The following STAC variants were observed in gnomAD, a reference collection of about 807,000 sequenced individuals.
STAC encodes SH3 and cysteine-rich domain-containing protein.
In STAC, 43 loss-of-function variants were observed where a neutral mutation model predicts 48.8. The observed-to-expected ratio is 0.88, with a 90% CI of 0.69 to 1.14. The LOEUF is 1.14. Ranked by LOEUF, STAC falls within the 50% of genes most tolerant of loss-of-function variation. The probability of loss-of-function intolerance (pLI) is 0.00; values close to 1 mark genes in which losing one functional copy is unlikely to be tolerated. For synonymous variants in STAC, 193 were observed against 179.5 expected, an observed-to-expected ratio of 1.07 and a Z score of -0.60; for missense variants, 497 against 504.0, an observed-to-expected ratio of 0.99 and a Z score of 0.13.
intron 1 of STAC, among the ~76,000 whole-genome samples, chr3:36,428,520 G>C (rs892338471): frequency 6.6e-6 from 1 of 152,150 alleles, no homozygotes; most frequent in Non-Finnish European, 1.5e-5. Flanking sequence ...AAAATAAAAA[G>C]TTAAGAAACA....
intron 2 of STAC, among the ~76,000 whole-genome samples, chr3:36,478,478 A>C (rs112879670): frequency 0.033 from 5,050 of 152,224 alleles, 129 homozygotes; most frequent in South Asian, 0.055. Context: ...CAAAGGTATC[A>C]ATAAACTTTT....
intron 2 of STAC, among the ~76,000 whole-genome samples, chr3:36,471,438 A>T (rs1246469155): frequency 6.6e-6 from 1 of 152,110 alleles, no homozygotes; most frequent in South Asian, 2.1e-4. Context: ...AAAACCAATC[A>T]TGCTTTCCCA....
At chr3:36,477,924 T>C (rs190982416) in intron 2 of STAC, among the ~76,000 whole-genome samples, 321 of 152,370 alleles carry the variant, frequency 2.1e-3, no homozygotes, top group African/African-American at 7.4e-3. Context: ...CTTCATTTTT[T>C]AATCTGCTTT....
chr3:36,531,741 G>A (rs1699077486), intron 10 of STAC, among the ~76,000 whole-genome samples: 1 of 152,186 alleles, frequency 6.6e-6, no homozygotes, highest in Admixed American at 6.5e-5. Flanking sequence ...GAACAAGAGA[G>A]GAGGAAGCTT....
In STAC at chr3:36,471,341, C is replaced by A. The variant is rs548662575; in HGVS notation, c.389-11651C>A. On this transcript the variant is annotated intron_variant, in intron 2 of 10. Coordinates refer to ENST00000273183, the MANE Select transcript of STAC (RefSeq NM_003149.3). ...CAACACATGGGAATTCTGGGAGATA[C>A]AATTCAAGTTGAGATTTGGATGTGA... 3.4e-4 allele frequency among the ~76,000 whole-genome samples: 52 copies of A among 152,312 alleles called. 1 individual carries two copies. Among genetic ancestry groups the A allele is most frequent in the Non-Finnish European group, 5.7e-4 (39 of 68,022 alleles).
intron 1 of STAC, among the ~76,000 whole-genome samples, chr3:36,420,063 T>C (rs532937826): frequency 2.6e-5 from 4 of 152,368 alleles, no homozygotes; most frequent in South Asian, 4.1e-4. Context: ...TAAAATATAC[T>C]AATGGCTACT....
At chr3:36,447,649 C>CCACACACACACA (rs3061960) in intron 2 of STAC, among the ~76,000 whole-genome samples, 70 of 146,414 alleles carry the variant, frequency 4.8e-4, no homozygotes, top group Non-Finnish European at 9.7e-4. Context: ...TGTATACACA[C>CCACACACACACA]CACACACACA....
At chr3:36,419,470 G>C (rs1700397704) in intron 1 of STAC, among the ~76,000 whole-genome samples, 1 of 152,152 alleles carries the variant, frequency 6.6e-6, no homozygotes, top group African/African-American at 2.4e-5. Flanking sequence ...ATTTGTTAGT[G>C]TGTGTGTGGG....
chr3:36,407,462 T>C (rs2125631946), intron 1 of STAC, among the ~76,000 whole-genome samples: 1 of 152,338 alleles, frequency 6.6e-6, no homozygotes, highest in South Asian at 2.1e-4. Flanking sequence ...TGATGACTAA[T>C]TTGTCATAGC....
intron 1 of STAC, among the ~76,000 whole-genome samples, chr3:36,437,668 C>A (rs993856961): frequency 6.7e-6 from 1 of 149,112 alleles, no homozygotes; most frequent in Admixed American, 6.6e-5. Flanking sequence ...AGGAGATATA[C>A]CTAATGCTAA....
intron 6 of STAC, among the ~76,000 whole-genome samples, chr3:36,502,763 T>G (rs943731583): frequency 2.6e-5 from 4 of 152,296 alleles, no homozygotes; most frequent in African/African-American, 9.6e-5. Flanking sequence ...GTTTTGCTAA[T>G]CTCTACTCTT....
At chr3:36,456,269 T>G (rs1208472769) in intron 2 of STAC, among the ~76,000 whole-genome samples, 1 of 152,214 alleles carries the variant, frequency 6.6e-6, no homozygotes, top group Non-Finnish European at 1.5e-5. Flanking sequence ...TGAAGGACGA[T>G]GAACGAGCCT....
intron 1 of STAC, among the ~76,000 whole-genome samples, chr3:36,435,149 C>T (rs1295924490): frequency 6.6e-6 from 1 of 152,168 alleles, no homozygotes; most frequent in Admixed American, 6.5e-5. Flanking sequence ...ACCTTCCCAT[C>T]CTACCACGGT....
At chr3:36,431,661 T>A (rs1700707925) in intron 1 of STAC, among the ~76,000 whole-genome samples, 1 of 152,166 alleles carries the variant, frequency 6.6e-6, no homozygotes, top group African/African-American at 2.4e-5. Context: ...CTAAATTTAC[T>A]GAAGAATTTG....
At position 36,399,080 on chromosome 3, in the gene STAC, CT is replaced by C. The variant is rs879542304; in HGVS notation, c.111+18335del. 1.0e-3 allele frequency among the ~76,000 whole-genome samples: 158 copies of C among 151,600 alleles called. 1 individual carries two copies. The highest frequency in any genetic ancestry group is 8.9e-3 in the Admixed American group (135 of 15,218). On this transcript the variant is annotated intron_variant, in intron 1 of 10. Transcript: ENST00000273183. ...CCTCCCTTAAGGAAATATGGCAGGA[CT>C]TTTTTTTTAACTTTGTGTCAGCTAG...
chr3:36,432,923 G>A (rs1700740448), intron 1 of STAC, among the ~76,000 whole-genome samples: 1 of 152,138 alleles, frequency 6.6e-6, no homozygotes, highest in East Asian at 1.9e-4. Context: ...AAAGTCCTTA[G>A]GATAGAGCCT....
intron 2 of STAC, among the ~76,000 whole-genome samples, chr3:36,446,537 G>C (rs1696513508): frequency 6.6e-6 from 1 of 152,180 alleles, no homozygotes; most frequent in South Asian, 2.1e-4. Flanking sequence ...TCCATTTATG[G>C]CATTCTATCT....
At chr3:36,401,454 C>A (rs1699997430) in intron 1 of STAC, among the ~76,000 whole-genome samples, 1 of 152,140 alleles carries the variant, frequency 6.6e-6, no homozygotes, top group African/African-American at 2.4e-5. Flanking sequence ...TAGAAAATAA[C>A]CAGTGTGTCA....
chr3:36,417,492 C>T (rs142992469), intron 1 of STAC, among the ~76,000 whole-genome samples: 246 of 152,256 alleles, frequency 1.6e-3, no homozygotes, highest in African/African-American at 2.6e-3. Context: ...GTTTGCTTTA[C>T]GGTTTACAGC....
Sources: allele counts gnomAD v4.1 joint callset (sites outside exome capture counted in the v4.1 genomes callset), GRCh38; gene constraint gnomAD v4.1.1; transcripts MANE v1.5; gene names NCBI Gene and HGNC (gene_info 2026-07-23, HGNC 2026-07-21).